The following ZNF385B variants were observed in gnomAD, a reference collection of about 807,000 sequenced individuals.
The protein encoded by ZNF385B is zinc finger protein 385B, also known as zinc finger protein 533.
Under a neutral mutation model 39.2 loss-of-function variants are expected in ZNF385B, and 23 were observed. That is an observed-to-expected ratio of 0.59 (90% CI 0.42 to 0.83). The LOEUF is 0.83. Ranked by LOEUF, ZNF385B falls within the 40% of genes least tolerant of loss-of-function variation. The pLI is 0.00. For missense variants in ZNF385B, 552 were observed against 598.9 expected, an observed-to-expected ratio of 0.92 and a Z score of 0.82; for synonymous variants, 205 against 222.6, an observed-to-expected ratio of 0.92 and a Z score of 0.70.
intron 3 of ZNF385B, among the ~76,000 whole-genome samples, chr2:179,584,878 G>C (rs1686924206): frequency 6.6e-6 from 1 of 152,194 alleles, no homozygotes; most frequent in African/African-American, 2.4e-5. Context: ...GTGTTTGAAA[G>C]AGGAGCCCAT....
chr2:179,671,317 A>T (rs1241759931), intron 3 of ZNF385B, among the ~76,000 whole-genome samples: 1 of 152,194 alleles, frequency 6.6e-6, no homozygotes, highest in Non-Finnish European at 1.5e-5. Context: ...TGCACCATGG[A>T]TGCAATCTGG....
chr2:179,476,703 A>G (rs2053480095), intron 6 of ZNF385B, among the ~76,000 whole-genome samples: 1 of 152,222 alleles, frequency 6.6e-6, no homozygotes. Flanking sequence ...GTCAAATTCA[A>G]GGTGCATGGG....
intron 1 of ZNF385B, among the ~76,000 whole-genome samples, chr2:179,850,118 T>A (rs1004338598): frequency 6.6e-6 from 1 of 152,160 alleles, no homozygotes; most frequent in Non-Finnish European, 1.5e-5. Context: ...GGAAAAATAA[T>A]AAAAAGCTGG....
At chr2:179,791,836 A>C (rs1217013246) in intron 1 of ZNF385B, among the ~76,000 whole-genome samples, 1 of 152,176 alleles carries the variant, frequency 6.6e-6, no homozygotes, top group African/African-American at 2.4e-5. Context: ...GGCTCAGTGC[A>C]ACCTCCACCT....
chr2:179,838,031 C>T (rs1231195844), intron 1 of ZNF385B, among the ~76,000 whole-genome samples: 1 of 150,818 alleles, frequency 6.6e-6, no homozygotes, highest in African/African-American at 2.5e-5. Context: ...AATATACCTA[C>T]AATTTATTAA....
intron 3 of ZNF385B, among the ~76,000 whole-genome samples, chr2:179,708,588 G>A (rs1001879526): frequency 3.3e-5 from 5 of 152,166 alleles, no homozygotes; most frequent in African/African-American, 4.8e-5. Flanking sequence ...ACCATATTTA[G>A]TATACATGGC....
chr2:179,475,871 G>A (rs2053387810), intron 6 of ZNF385B, among the ~76,000 whole-genome samples: 1 of 150,734 alleles, frequency 6.6e-6, no homozygotes, highest in Admixed American at 6.6e-5. Context: ...ACAAAAACTA[G>A]CTGGACATGG....
chr2:179,836,675 T>C lies in ZNF385B; in HGVS notation c.-155+24426A>G, dbSNP rs554470975. Among the ~76,000 whole-genome samples the C allele has an allele frequency of 3.2e-4, 48 of 151,156 alleles. No homozygotes were observed. The South Asian group carries it at 7.0e-3, about 22-fold the overall frequency. On this transcript the variant is annotated intron_variant, in intron 1 of 9. Transcript: ENST00000410066. ...CTGGGACTACAGGCGCCCGCCACCG[T>C]GCCCGGCTAATTTTTTGTATTTTTA...
intron 3 of ZNF385B, among the ~76,000 whole-genome samples, chr2:179,608,929 TA>T (rs75146769): frequency 0.34 from 50,264 of 149,096 alleles, 9,260 homozygotes; most frequent in East Asian, 0.77. Context: ...TTATTTTCTT[TA>T]AAAAAAATTT....
intron 6 of ZNF385B, among the ~76,000 whole-genome samples, chr2:179,479,578 A>G (rs2053778802): frequency 6.6e-6 from 1 of 152,108 alleles, no homozygotes; most frequent in South Asian, 2.1e-4. Context: ...AGTAGCACAT[A>G]CCTGTAATCC....
intron 3 of ZNF385B, among the ~76,000 whole-genome samples, chr2:179,588,522 G>C (rs1343116716): frequency 2.6e-5 from 4 of 152,066 alleles, no homozygotes; most frequent in African/African-American, 9.7e-5. Flanking sequence ...GGGAGAAAGG[G>C]GGTGGTATTT....
intron 5 of ZNF385B, among the ~76,000 whole-genome samples, chr2:179,513,671 A>G (rs910266058): frequency 1.3e-5 from 2 of 152,224 alleles, no homozygotes; most frequent in Non-Finnish European, 2.9e-5. Flanking sequence ...AGATGTTTAT[A>G]TCCTATCCTC....
chr2:179,625,205 G>T (rs1031932158), intron 3 of ZNF385B, among the ~76,000 whole-genome samples: 1 of 152,060 alleles, frequency 6.6e-6, no homozygotes. Flanking sequence ...GAAAATCTTT[G>T]TTTTCCCTGA....
chr2:179,792,375 C>CTTTTTT (rs374147864), intron 1 of ZNF385B, among the ~76,000 whole-genome samples: 7 of 124,100 alleles, frequency 5.6e-5, no homozygotes, highest in African/African-American at 1.2e-4. Context: ...ATTTTCTTTT[C>CTTTTTT]TTTTTTTTTT....
intron 3 of ZNF385B, among the ~76,000 whole-genome samples, chr2:179,668,113 A>G (rs1200748529): frequency 6.6e-6 from 1 of 152,230 alleles, no homozygotes. Context: ...CCTATCCATA[A>G]GTCAATTTGG....
At chr2:179,518,454 A>G in intron 5 of ZNF385B, 74 bp downstream of exon 5, 2 of 1,065,536 alleles carry the variant, frequency 1.9e-6, no homozygotes, top group Middle Eastern at 2.4e-4. Context: ...AAATATGAAG[A>G]AATGTACGTA....
intron 3 of ZNF385B, among the ~76,000 whole-genome samples, chr2:179,730,161 G>A (rs1701296848): frequency 6.6e-6 from 1 of 152,138 alleles, no homozygotes; most frequent in Non-Finnish European, 1.5e-5. Context: ...ATTACACCCT[G>A]CTTAGAGTGA....
At chr2:179,813,644 G>T (rs979595731) in intron 1 of ZNF385B, among the ~76,000 whole-genome samples, 35 of 152,262 alleles carry the variant, frequency 2.3e-4, no homozygotes, top group Non-Finnish European at 3.2e-4. Flanking sequence ...AAATAAATAT[G>T]TTTAAAAAAT....
intron 3 of ZNF385B, chr2:179,583,829 G>T: frequency 8.8e-7 from 1 of 1,142,046 alleles, no homozygotes; most frequent in Non-Finnish European, 1.2e-6. Context: ...CAGTGGAACT[G>T]GCAGCAGGGC....
Sources: allele counts gnomAD v4.1 joint callset (sites outside exome capture counted in the v4.1 genomes callset), GRCh38; gene constraint gnomAD v4.1.1; transcripts MANE v1.5; gene names NCBI Gene and HGNC (gene_info 2026-07-23, HGNC 2026-07-21).